Variants in CGNL1 observed in about 807,000 individuals in gnomAD.
The protein encoded by CGNL1 is cingulin like 1.
A neutral mutation model predicts 141.2 loss-of-function variants in CGNL1; 132 were observed. The ratio of observed to expected loss-of-function variants is 0.93; its 90% CI spans 0.81 to 1.08. The LOEUF (loss-of-function observed/expected upper bound fraction) is 1.08. Among genes scored for constraint, CGNL1 ranks in the 50% least tolerant of loss-of-function variants. CGNL1 has a pLI of 0.00. For missense variants in CGNL1, 1,870 were observed against 1,588.6 expected (o/e 1.18, Z -3.01); for synonymous variants, 690 against 622.1 (o/e 1.11, Z -1.63).
At position 57,516,996 on chromosome 15, in the gene CGNL1, G is replaced by A. The variant is rs767653583; in HGVS notation, c.2610+10G>A. Reference sequence around the variant, plus strand: ...GCTGAAGAAGTACGAGGTGAGGCTCGCTGGGCCCAGGCCCAGCTTTGGCAG... The same window carrying A: ...GCTGAAGAAGTACGAGGTGAGGCTCACTGGGCCCAGGCCCAGCTTTGGCAG... On this transcript the variant is annotated intron_variant, in intron 9 of 18. Transcript: ENST00000281282. 7 of 1,608,874 alleles carry A rather than the reference G, an allele frequency of 4.4e-6. No homozygotes were observed. Among genetic ancestry groups the A allele is most frequent in the Non-Finnish European group, 5.1e-6 (6 of 1,178,122 alleles).
chr15:57,382,321 T>G (rs1277413452), intron 1 of CGNL1, among the ~76,000 whole-genome samples: 1 of 152,218 alleles, frequency 6.6e-6, no homozygotes, highest in Non-Finnish European at 1.5e-5. Flanking sequence ...CCAAGGAACA[T>G]TTCCAGGGAG....
intron 8 of CGNL1, among the ~76,000 whole-genome samples, chr15:57,487,304 A>C (rs2063798025): frequency 6.6e-6 from 1 of 152,086 alleles, no homozygotes; most frequent in Admixed American, 6.5e-5. Flanking sequence ...AGCTTATTCA[A>C]CTTTTTTTTT....
intron 7 of CGNL1, among the ~76,000 whole-genome samples, chr15:57,458,691 G>C (rs1388846168): frequency 4.6e-5 from 7 of 152,268 alleles, no homozygotes; most frequent in South Asian, 2.1e-4. Flanking sequence ...GAAGCCCTGG[G>C]GGGTAGCCGG....
chr15:57,537,909 G>T (rs1343074924), intron 14 of CGNL1, among the ~76,000 whole-genome samples: 1 of 152,244 alleles, frequency 6.6e-6, no homozygotes, highest in African/African-American at 2.4e-5. Context: ...AACATAGAAA[G>T]CACTAAGCTT....
In CGNL1 at chr15:57,523,569, A is replaced by C; in HGVS notation, c.2796A>C (p.Leu932=). 1 of 1,614,184 alleles carries C rather than the reference A, an allele frequency of 6.2e-7. No individual in the cohort carries two copies. Among genetic ancestry groups the C allele is most frequent in the South Asian group, 1.1e-5 (1 of 91,070 alleles). ...LKEESEQKEQ[L]RRLKNEMENE... ...AGGAGAGTGAGCAGAAGGAGCAGCT[A>C]AGAAGGTTGAAGAACGAGATGGAGA... Residue 932 remains leucine (L), a synonymous_variant, in exon 11 of 19, where the codon CTA becomes CTC. Transcript: ENST00000281282.
intron 8 of CGNL1, among the ~76,000 whole-genome samples, chr15:57,515,042 T>C (rs1282670516): frequency 1.3e-5 from 2 of 152,208 alleles, no homozygotes; most frequent in Non-Finnish European, 2.9e-5. Flanking sequence ...AGGGCAGAAG[T>C]GGGCAATCTA....
At chr15:57,461,999 T>A in intron 8 of CGNL1, 107 bp downstream of exon 8, 1 of 800,874 alleles carries the variant, frequency 1.2e-6, no homozygotes, top group East Asian at 2.6e-5. Context: ...AGAGAGTGAA[T>A]CTCAATTCAT....
At chr15:57,449,471 G>T (rs532659465) in intron 4 of CGNL1, among the ~76,000 whole-genome samples, 195 of 152,258 alleles carry the variant, frequency 1.3e-3, no homozygotes, top group African/African-American at 4.6e-3. Flanking sequence ...CCCGTTTACT[G>T]TCCTGTCCCC....
chr15:57,399,460 A>G (rs1483583069), intron 1 of CGNL1, among the ~76,000 whole-genome samples: 3 of 151,370 alleles, frequency 2.0e-5, no homozygotes, highest in Admixed American at 1.3e-4. Context: ...ATTGGTCACA[A>G]TTTTGGTTGA....
At chr15:57,395,589 C>G (rs2062593303) in intron 1 of CGNL1, among the ~76,000 whole-genome samples, 2 of 152,224 alleles carry the variant, frequency 1.3e-5, no homozygotes, top group South Asian at 4.1e-4. Context: ...GGGCTTAAAG[C>G]TAAGAGCAGT....
chr15:57,545,615 G>T lies in CGNL1; in HGVS notation c.3524G>T (p.Ser1175Ile). Residue 1175 changes from serine (S) to isoleucine (I), a missense_variant, in exon 17 of 19, where the codon AGC (serine) becomes ATC (isoleucine). Ser to Ile is a moderately radical substitution (Grantham distance 142). Coordinates refer to ENST00000281282, the MANE Select transcript of CGNL1 (RefSeq NM_032866.5). Reference protein sequence around the residue: ...EERDRANLQLSNRRLERKVKE... With the variant: ...EERDRANLQLINRRLERKVKE... Reference sequence around the variant, plus strand: ...AGGGATCGGGCCAATCTTCAGCTCAGCAACCGGCGGCTGGAGCGGAAAGTG... The same window carrying T: ...AGGGATCGGGCCAATCTTCAGCTCATCAACCGGCGGCTGGAGCGGAAAGTG... The T allele has an allele frequency of 6.2e-7, 1 of 1,613,552 alleles. No homozygotes were observed. Among genetic ancestry groups the T allele is most frequent in the South Asian group, 1.1e-5 (1 of 90,936 alleles).
intron 4 of CGNL1, among the ~76,000 whole-genome samples, chr15:57,447,706 C>T (rs1487480455): frequency 6.6e-6 from 1 of 151,936 alleles, no homozygotes; most frequent in Admixed American, 6.6e-5. Context: ...GCTTCTTTCA[C>T]ATTCGGTCTC....
At chr15:57,470,239 T>G (rs2063562638) in intron 8 of CGNL1, among the ~76,000 whole-genome samples, 1 of 103,246 alleles carries the variant, frequency 9.7e-6, no homozygotes, top group African/African-American at 3.6e-5. Context: ...AAAAAAGATC[T>G]CTTTTTTTTT....
chr15:57,547,706 A>G lies in CGNL1; in HGVS notation c.*216A>G. 2.0e-6 allele frequency: 1 copy of G among 504,918 alleles called. No homozygotes were observed. Among genetic ancestry groups the G allele is most frequent in the South Asian group, 3.0e-5 (1 of 33,222 alleles). The allele number at this position is 504,918 out of a possible 1,614,324, so 31.3% of individuals were successfully genotyped here. A position where few individuals can be genotyped will look rare whatever the true frequency, so the allele number is the denominator to read the frequency against. On this transcript the variant is annotated 3_prime_UTR_variant, in exon 19 of 19. Transcript: ENST00000281282. Reference sequence around the variant, plus strand: ...GTTTAAAATGTTGGGATGCCTGAGGACCAGGAGCCACCACCCACTGGGGTG... The same window carrying G: ...GTTTAAAATGTTGGGATGCCTGAGGGCCAGGAGCCACCACCCACTGGGGTG...
chr15:57,461,609 G>A, intron 7 of CGNL1, 71 bp from the exon 8 acceptor site: 1 of 1,303,736 alleles, frequency 7.7e-7, no homozygotes, highest in Non-Finnish European at 1.1e-6. Context: ...GACTGAACTG[G>A]AGGGGAGATA....
intron 1 of CGNL1, among the ~76,000 whole-genome samples, chr15:57,416,260 A>G (rs1171164088): frequency 6.7e-6 from 1 of 149,462 alleles, no homozygotes; most frequent in African/African-American, 2.5e-5. Flanking sequence ...CTTTACATGT[A>G]GGGTTGGAAA....
rs147820782 is a variant in CGNL1 at position 57,439,258 on chromosome 15, G to A, written c.1259G>A (p.Arg420Gln). 6 of 1,614,042 alleles carry A rather than the reference G, an allele frequency of 3.7e-6. No homozygotes were observed. The highest frequency in any genetic ancestry group is 2.2e-5 in the East Asian group (1 of 44,882). ...NLGKSSEHLL[R>Q]PSQVCPQRPL... ...GGCAAGTCAAGCGAACACCTCCTCC[G>A]GCCTTCCCAGGTGTGCCCGCAGCGG... is the stretch of plus-strand genomic sequence containing the variant. Residue 420 changes from arginine to glutamine, a missense_variant, in exon 2 of 19, where the codon CGG becomes CAG. Coordinates refer to ENST00000281282, the MANE Select transcript of CGNL1 (RefSeq NM_032866.5).
intron 12 of CGNL1, among the ~76,000 whole-genome samples, chr15:57,525,645 G>T (rs1054373353): frequency 3.3e-5 from 5 of 152,092 alleles, no homozygotes; most frequent in African/African-American, 1.2e-4. Context: ...AGAGCACCAA[G>T]ATTCCACAGG....
intron 1 of CGNL1, among the ~76,000 whole-genome samples, chr15:57,400,852 C>A (rs1163629756): frequency 6.9e-6 from 1 of 144,020 alleles, no homozygotes; most frequent in Non-Finnish European, 1.5e-5. Flanking sequence ...CGTTGCACTC[C>A]AGCCTAGGCG....
Sources: allele counts gnomAD v4.1 joint callset (sites outside exome capture counted in the v4.1 genomes callset), GRCh38; gene constraint gnomAD v4.1.1; transcripts MANE v1.5; gene names NCBI Gene and HGNC (gene_info 2026-07-23, HGNC 2026-07-21).